SETD2: variants seen among roughly 807,000 people sequenced by gnomAD.
SETD2 encodes histone-lysine N-methyltransferase SETD2.
In SETD2, 31 loss-of-function variants were observed where a neutral mutation model predicts 242.1. The ratio of observed to expected loss-of-function variants is 0.13; its 90% CI spans 0.10 to 0.17. The LOEUF is 0.17. Among genes scored for constraint, SETD2 ranks in the 10% least tolerant of loss-of-function variants. SETD2 has a pLI of 1.00. For synonymous variants in SETD2, 1,006 were observed against 1,066.5 expected, an observed-to-expected ratio of 0.94 and a Z score of 1.11; for missense variants, 2,481 against 3,046.3, an observed-to-expected ratio of 0.81 and a Z score of 4.37.
At chr3:47,141,852 T>C (rs567443306) in intron 1 of SETD2, among the ~76,000 whole-genome samples, 1 of 152,168 alleles carries the variant, frequency 6.6e-6, no homozygotes, top group East Asian at 1.9e-4. Flanking sequence ...CTGGTTTTGG[T>C]AAAGAGTTTA....
At chr3:47,094,020 C>T (rs2041909121) in intron 9 of SETD2, among the ~76,000 whole-genome samples, 1 of 152,154 alleles carries the variant, frequency 6.6e-6, no homozygotes, top group Non-Finnish European at 1.5e-5. Context: ...ATACTAGTTA[C>T]ACTCATTATG....
At chr3:47,036,793 T>C (rs914753084) in intron 18 of SETD2, among the ~76,000 whole-genome samples, 2 of 151,236 alleles carry the variant, frequency 1.3e-5, no homozygotes, top group African/African-American at 2.4e-5. Context: ...TCCCAGCTAC[T>C]CGGGAGGCTA....
chr3:47,081,006 G>GA, intron 12 of SETD2: 1 of 986,882 alleles, frequency 1.0e-6, no homozygotes, highest in Non-Finnish European at 1.2e-6. Flanking sequence ...TCTTCAGCAC[G>GA]AAGTTGGAAA....
intron 7 of SETD2, 92 bp downstream of exon 7, chr3:47,103,254 T>C: frequency 1.3e-6 from 1 of 796,532 alleles, no homozygotes; most frequent in South Asian, 1.6e-5. Flanking sequence ...GACTAAAAAA[T>C]TCATGAGTAC....
intron 12 of SETD2, among the ~76,000 whole-genome samples, chr3:47,072,948 A>C (rs1280644062): frequency 1.3e-5 from 2 of 148,932 alleles, no homozygotes; most frequent in African/African-American, 5.0e-5. Flanking sequence ...CTCCATCTCA[A>C]AAAAAAAAAG....
At chr3:47,046,336 CAA>C in intron 16 of SETD2, 149 bp downstream of exon 16, 1 of 514,882 alleles carries the variant, frequency 1.9e-6, no homozygotes. Context: ...GACTCTGTCT[CAA>C]AAAAAAAATA....
chr3:47,106,812 A>AG (rs71098453), intron 5 of SETD2, among the ~76,000 whole-genome samples: 1 of 40,810 alleles, frequency 2.5e-5, no homozygotes, highest in Non-Finnish European at 8.4e-5. Flanking sequence ...ACTCCGTCTC[A>AG]AAAAAAAAAA....
chr3:47,101,844 T>C (rs2042226638), intron 7 of SETD2, among the ~76,000 whole-genome samples: 1 of 152,128 alleles, frequency 6.6e-6, no homozygotes, highest in South Asian at 2.1e-4. Context: ...AAAAAGTAAC[T>C]GCTATTTTAA....
chr3:47,109,967 CAG>C (rs1366185182), intron 5 of SETD2, among the ~76,000 whole-genome samples: 1 of 138,944 alleles, frequency 7.2e-6, no homozygotes, highest in Non-Finnish European at 1.5e-5. Context: ...GCCTGAGTGA[CAG>C]AGCAAGACTC....
chr3:47,026,498 T>C (rs1434391205), intron 18 of SETD2, among the ~76,000 whole-genome samples: 1 of 152,190 alleles, frequency 6.6e-6, no homozygotes, highest in Non-Finnish European at 1.5e-5. Context: ...TAAAGACACA[T>C]GCACACATAT....
rs2039330076 is a variant in SETD2, at chr3:47,042,551, C to G, written c.7238+10G>C. On this transcript the variant is annotated intron_variant, in intron 17 of 20. Coordinates refer to ENST00000409792, the MANE Select transcript of SETD2 (RefSeq NM_014159.7). ...AGCAGACATGGGAACGCCCATACAG[C>G]TCCTCTTACCTTGTGATCACATGGT... The G allele has an allele frequency of 1.2e-6, 2 of 1,613,834 alleles. No homozygotes were observed. Among genetic ancestry groups the G allele is most frequent in the Non-Finnish European group, 1.7e-6 (2 of 1,179,916 alleles).
intron 9 of SETD2, among the ~76,000 whole-genome samples, chr3:47,090,535 C>G (rs2041756677): frequency 6.6e-6 from 1 of 151,958 alleles, no homozygotes; most frequent in Non-Finnish European, 1.5e-5. Flanking sequence ...GGACTACAGG[C>G]CCGTGCCACC....
At chr3:47,096,057 T>C (rs2041995045) in intron 9 of SETD2, among the ~76,000 whole-genome samples, 1 of 152,190 alleles carries the variant, frequency 6.6e-6, no homozygotes, top group Non-Finnish European at 1.5e-5. Flanking sequence ...CGCCCAGCTA[T>C]ATTTTACCAT....
chr3:47,050,059 T>A (rs1438146985), intron 15 of SETD2, among the ~76,000 whole-genome samples: 1 of 149,506 alleles, frequency 6.7e-6, no homozygotes, highest in Non-Finnish European at 1.5e-5. Context: ...AGAGGAAACA[T>A]GACCAAGTAT....
At chr3:47,145,621 T>G in intron 1 of SETD2, 1 of 308,102 alleles carries the variant, frequency 3.2e-6, no homozygotes, top group Non-Finnish European at 6.8e-6. Context: ...TGGCATCATG[T>G]CAGCATTAAA....
chr3:47,136,483 G>A (rs1676144918), intron 1 of SETD2, among the ~76,000 whole-genome samples: 2 of 152,208 alleles, frequency 1.3e-5, no homozygotes. Flanking sequence ...CATGTTGTTT[G>A]CAGCAACATG....
At chr3:47,043,511 T>G (rs1041588222) in intron 16 of SETD2, among the ~76,000 whole-genome samples, 2 of 152,236 alleles carry the variant, frequency 1.3e-5, no homozygotes, top group African/African-American at 4.8e-5. Context: ...TTTAATCCAC[T>G]CAGTCTGTGG....
chr3:47,120,055 T>C, intron 3 of SETD2, 127 bp downstream of exon 3: 1 of 841,694 alleles, frequency 1.2e-6, no homozygotes, highest in South Asian at 2.2e-5. Context: ...TTTTTTAGAC[T>C]TTTAAATTTA....
intron 5 of SETD2, among the ~76,000 whole-genome samples, chr3:47,109,985 C>CA (rs1167745997): frequency 0.027 from 1,640 of 59,996 alleles, 22 homozygotes; most frequent in African/African-American, 0.058. Flanking sequence ...GACTCCATCT[C>CA]AAAAAAAAAA....
Sources: allele counts gnomAD v4.1 joint callset (sites outside exome capture counted in the v4.1 genomes callset), GRCh38; gene constraint gnomAD v4.1.1; transcripts MANE v1.5; gene names NCBI Gene and HGNC (gene_info 2026-07-23, HGNC 2026-07-21).